SEL1L2: variants seen among roughly 807,000 people sequenced by gnomAD.
SEL1L2 encodes the protein SEL1L2 adaptor subunit of SYVN1 ubiquitin ligase.
Under a neutral mutation model 98.8 loss-of-function variants are expected in SEL1L2, and 89 were observed. That is an observed-to-expected ratio of 0.90 (90% CI 0.76 to 1.07). The LOEUF is 1.07. Among genes scored for constraint, SEL1L2 ranks in the 50% least tolerant of loss-of-function variants. The pLI, the probability that SEL1L2 is intolerant of heterozygous loss-of-function variation, is 0.00. For missense variants in SEL1L2, 788 were observed against 812.0 expected (o/e 0.97, Z 0.36); for synonymous variants, 262 against 278.5 (o/e 0.94, Z 0.59).
chr20:13,924,245 A>G (rs1444613906), intron 3 of SEL1L2, among the ~76,000 whole-genome samples: 3 of 150,448 alleles, frequency 2.0e-5, no homozygotes, highest in Non-Finnish European at 4.4e-5. Flanking sequence ...TTTTCTTTCA[A>G]TCTAAGAGTA....
At chr20:13,939,381 T>A (rs2148362697) in intron 2 of SEL1L2, among the ~76,000 whole-genome samples, 1 of 152,174 alleles carries the variant, frequency 6.6e-6, no homozygotes, top group African/African-American at 2.4e-5. Flanking sequence ...CAGAATATCT[T>A]AAAAATGTTT....
At chr20:13,876,905 C>T (rs1193345796) in intron 11 of SEL1L2, among the ~76,000 whole-genome samples, 1 of 152,160 alleles carries the variant, frequency 6.6e-6, no homozygotes, top group African/African-American at 2.4e-5. Flanking sequence ...CTCACTGCAC[C>T]CTCTGCCTCC....
At chr20:13,878,453 C>T (rs902879038) in intron 10 of SEL1L2, among the ~76,000 whole-genome samples, 9 of 152,110 alleles carry the variant, frequency 5.9e-5, no homozygotes, top group Non-Finnish European at 1.0e-4. Flanking sequence ...ACAGGCGCCC[C>T]CACCCACAAT....
intron 18 of SEL1L2, among the ~76,000 whole-genome samples, chr20:13,854,777 G>A (rs1419593349): frequency 6.6e-6 from 1 of 152,212 alleles, no homozygotes; most frequent in Non-Finnish European, 1.5e-5. Flanking sequence ...GTTCTAGCCA[G>A]GTGTGGTGGC....
intron 2 of SEL1L2, 152 bp downstream of exon 2, chr20:13,955,924 G>A (rs1038850530): frequency 1.8e-6 from 1 of 569,812 alleles, no homozygotes; most frequent in Non-Finnish European, 3.1e-6. Context: ...GGTTGACTAA[G>A]CAAATGTTTG....
intron 2 of SEL1L2, among the ~76,000 whole-genome samples, chr20:13,949,607 A>G (rs966622605): frequency 2.6e-5 from 4 of 152,100 alleles, no homozygotes; most frequent in African/African-American, 9.7e-5. Context: ...AGCTTGCAGT[A>G]AGCCAAGCTC....
chr20:13,866,299 C>T lies in SEL1L2; in HGVS notation c.1404+403G>A, dbSNP rs1209365171. On this transcript the variant is annotated intron_variant, in intron 15 of 19. Transcript: ENST00000284951. Reference sequence around the variant, plus strand: ...AATTGTCATCCAAATCATCAAAAACCTAAGGATGCTGCTTTCTGGGAAGAA... The same window carrying T: ...AATTGTCATCCAAATCATCAAAAACTTAAGGATGCTGCTTTCTGGGAAGAA... Among the ~76,000 whole-genome samples, 8 of 152,274 alleles carry T rather than the reference C, an allele frequency of 5.3e-5. No individual in the cohort carries two copies. In the South Asian group the frequency reaches 8.3e-4, roughly 16 times the overall value.
chr20:13,948,025 G>A (rs1413919367), intron 2 of SEL1L2, among the ~76,000 whole-genome samples: 2 of 152,196 alleles, frequency 1.3e-5, no homozygotes, highest in Admixed American at 6.5e-5. Context: ...CAGGCCAAGT[G>A]GCCAGAATGA....
At chr20:13,948,059 T>A (rs1158382228) in intron 2 of SEL1L2, among the ~76,000 whole-genome samples, 2 of 152,196 alleles carry the variant, frequency 1.3e-5, no homozygotes, top group Admixed American at 6.5e-5. Flanking sequence ...GAGCAAAACT[T>A]GGGCAAAGGT....
intron 15 of SEL1L2, 33 bp from the exon 16 acceptor site, chr20:13,865,547 T>C (rs765188644): frequency 6.4e-7 from 1 of 1,572,452 alleles, no homozygotes; most frequent in Non-Finnish European, 8.7e-7. Context: ...AGGAGACTAG[T>C]TAGCCAGTAT....
intron 4 of SEL1L2, among the ~76,000 whole-genome samples, chr20:13,917,597 C>T (rs1434455140): frequency 6.6e-6 from 1 of 151,928 alleles, no homozygotes; most frequent in Non-Finnish European, 1.5e-5. Context: ...TGCTCCTTAT[C>T]CTCTGTATTT....
intron 4 of SEL1L2, 137 bp downstream of exon 4, chr20:13,918,884 T>G (rs987279562): frequency 5.2e-5 from 32 of 619,536 alleles, no homozygotes; most frequent in Non-Finnish European, 8.5e-5. Context: ...AATTTGATCC[T>G]TTTAAAAACA....
intron 10 of SEL1L2, among the ~76,000 whole-genome samples, chr20:13,878,411 C>A (rs150174949): frequency 6.1e-4 from 92 of 151,520 alleles, no homozygotes; most frequent in African/African-American, 2.1e-3. Flanking sequence ...TCAAGTGATT[C>A]TCCTGCCTCA....
intron 18 of SEL1L2, among the ~76,000 whole-genome samples, chr20:13,854,528 C>T (rs960654146): frequency 1.3e-5 from 2 of 152,190 alleles, no homozygotes; most frequent in South Asian, 2.1e-4. Flanking sequence ...TTCAAGTGTG[C>T]GTGTGCCTAT....
intron 1 of SEL1L2, among the ~76,000 whole-genome samples, chr20:13,959,821 G>A (rs527279231): frequency 6.6e-6 from 1 of 152,274 alleles, no homozygotes; most frequent in African/African-American, 2.4e-5. Flanking sequence ...ATGTGTTTGA[G>A]CCTAGTTATA....
intron 2 of SEL1L2, among the ~76,000 whole-genome samples, chr20:13,945,249 T>C (rs747954709): frequency 1.1e-4 from 16 of 152,308 alleles, no homozygotes; most frequent in Admixed American, 2.6e-4. Context: ...AATCAGTTGG[T>C]GTGAAAACTT....
chr20:13,934,848 T>C (rs1244796260), intron 2 of SEL1L2, among the ~76,000 whole-genome samples: 6 of 152,032 alleles, frequency 3.9e-5, no homozygotes, highest in African/African-American at 1.4e-4. Context: ...TTGGTTTGCA[T>C]TTCCTGCTTT....
At chr20:13,947,675 A>G (rs1250491494) in intron 2 of SEL1L2, among the ~76,000 whole-genome samples, 1 of 152,180 alleles carries the variant, frequency 6.6e-6, no homozygotes. Context: ...AGGAGCCCAG[A>G]CCTAGGGACT....
chr20:13,984,873 T>C (rs1233967304), intron 1 of SEL1L2, among the ~76,000 whole-genome samples: 1 of 152,222 alleles, frequency 6.6e-6, no homozygotes, highest in Non-Finnish European at 1.5e-5. Context: ...TTGATACATA[T>C]ATACAATGTG....
Sources: allele counts gnomAD v4.1 joint callset (sites outside exome capture counted in the v4.1 genomes callset), GRCh38; gene constraint gnomAD v4.1.1; transcripts MANE v1.5; gene names NCBI Gene and HGNC (gene_info 2026-07-23, HGNC 2026-07-21).